COL22A1: variants seen among roughly 807,000 people sequenced by gnomAD.
The protein encoded by COL22A1 is collagen alpha-1(XXII) chain.
Under a neutral mutation model 248.9 loss-of-function variants are expected in COL22A1, and 221 were observed. The observed-to-expected ratio is 0.89, with a 90% confidence interval of 0.80 to 0.99. The LOEUF (loss-of-function observed/expected upper bound fraction) is 0.99. COL22A1 is among the 50% of genes least tolerant of loss of function. The pLI is 0.00. For missense variants in COL22A1, 2,240 were observed against 2,179.0 expected (o/e 1.03, Z -0.56); for synonymous variants, 891 against 793.4 (o/e 1.12, Z -2.07).
rs184049936 is a variant in COL22A1 at position 138,653,488 on chromosome 8, C to A, written c.3333+2409G>T. 2.1e-4 allele frequency among the ~76,000 whole-genome samples: 32 copies of A among 152,284 alleles called. No homozygotes were observed. The East Asian group carries it at 5.4e-3, about 26-fold the overall frequency. On this transcript the variant is annotated intron_variant, in intron 45 of 64. Transcript: ENST00000303045. ...AAGTGTCTTGCCCATCTATGCTTAA[C>A]CTGTTCATCTGTAAAATGCAGACAG...
intron 52 of COL22A1, among the ~76,000 whole-genome samples, chr8:138,623,268 G>A (rs398046990): frequency 4.1e-4 from 30 of 73,326 alleles, no homozygotes; most frequent in African/African-American, 1.4e-3. Context: ...ATTTATGTGT[G>A]TGTGTGTGTG....
At chr8:138,700,225 T>A (rs1487010905) in intron 31 of COL22A1, 81 bp from the exon 32 acceptor site, 1 of 1,355,564 alleles carries the variant, frequency 7.4e-7, no homozygotes, top group Non-Finnish European at 1.0e-6. Context: ...CTTGGAGAGA[T>A]TTACAAGTGA....
In COL22A1 at chr8:138,598,867, G is replaced by A. The variant is rs1817760566; in HGVS notation, c.4217C>T (p.Pro1406Leu). 2.5e-6 allele frequency: 4 copies of A among 1,614,034 alleles called. No individual in the cohort carries two copies. The highest frequency in any genetic ancestry group is 3.4e-6 in the Non-Finnish European group (4 of 1,180,030). Residue 1406 changes from proline (P) to leucine (L), a missense_variant, in exon 61 of 65, where the codon CCT becomes CTT. Pro to Leu is a moderately conservative substitution (Grantham distance 98, BLOSUM62 -3). Coordinates refer to ENST00000303045, the MANE Select transcript of COL22A1 (RefSeq NM_152888.3). ...CCCAGGCTGGCCTTTTCCACCAGGA[G>A]GTCCTTTGTCACCTTTGATCCCAGG... ...GDPGIKGDKG[P>L]PGGKGQPGDP... is the part of the protein sequence containing the mutation.
Position 138,902,719 on chromosome 8 carries a change from T to A in COL22A1, c.-73+10900A>T, listed in dbSNP as rs1158041924. On this transcript the variant is annotated intron_variant, in intron 1 of 64. Transcript: ENST00000303045. ...AGACTCCGTCTCAAAAAAAAAAAAA[T>A]TTATAAATATATATATATATACACA... is the stretch of plus-strand genomic sequence containing the variant. Among the ~76,000 whole-genome samples, 85 of 105,090 alleles carry A rather than the reference T, an allele frequency of 8.1e-4. 1 individual carries two copies. Among genetic ancestry groups the A allele is most frequent in the Admixed American group, 1.9e-3 (19 of 10,236 alleles). The allele number at this position is 105,090 out of a possible 152,430, so 68.9% of individuals were successfully genotyped here. A position where few individuals can be genotyped will look rare whatever the true frequency, so the allele number is the denominator to read the frequency against.
At chr8:138,773,367 C>T (rs573939311) in intron 16 of COL22A1, among the ~76,000 whole-genome samples, 6 of 152,318 alleles carry the variant, frequency 3.9e-5, no homozygotes, top group African/African-American at 4.8e-5. Flanking sequence ...TAGGAGTCTT[C>T]GGCCTCCATA....
chr8:138,681,087 T>C (rs766086417), intron 39 of COL22A1, among the ~76,000 whole-genome samples: 8 of 152,182 alleles, frequency 5.3e-5, no homozygotes, highest in Non-Finnish European at 1.0e-4. Flanking sequence ...GATAAACCCC[T>C]GCCTTCTTGC....
chr8:138,746,501 C>T (rs528300078), intron 22 of COL22A1, among the ~76,000 whole-genome samples: 1 of 152,316 alleles, frequency 6.6e-6, no homozygotes, highest in South Asian at 2.1e-4. Context: ...CTCCCTTTTT[C>T]TCCATAGATG....
chr8:138,685,405 T>C (rs902813438), intron 37 of COL22A1, 93 bp from the exon 38 acceptor site: 1 of 969,356 alleles, frequency 1.0e-6, no homozygotes, highest in Non-Finnish European at 1.6e-6. Flanking sequence ...GTAGGTTTCC[T>C]GGGGCTGCCT....
intron 30 of COL22A1, among the ~76,000 whole-genome samples, chr8:138,705,473 T>C (rs2131010853): frequency 6.6e-6 from 1 of 152,284 alleles, no homozygotes; most frequent in Admixed American, 6.5e-5. Context: ...TAGGGGCCAA[T>C]ATTCAACATT....
intron 22 of COL22A1, among the ~76,000 whole-genome samples, chr8:138,740,896 C>T (rs184534886): frequency 8.5e-5 from 13 of 152,272 alleles, no homozygotes; most frequent in Admixed American, 4.6e-4. Context: ...CAAAGGTGGC[C>T]TTCCTTCCTG....
At chr8:138,807,746 C>T in intron 10 of COL22A1, 22 bp downstream of exon 10, 1 of 1,612,538 alleles carries the variant, frequency 6.2e-7, no homozygotes, top group Non-Finnish European at 8.5e-7. Context: ...CTAAACTACA[C>T]CTCTGCCATG....
intron 63 of COL22A1, 65 bp from the exon 64 acceptor site, chr8:138,591,566 C>T (rs1198444292): frequency 2.3e-6 from 3 of 1,320,390 alleles, no homozygotes; most frequent in Admixed American, 2.6e-5. Flanking sequence ...CTGGGCGTCC[C>T]ACCTTGCGGG....
rs527599600 is a variant in COL22A1, at chr8:138,724,430, G to A, written c.2247+185C>T. ...CCCAGGGAGCCTTCCCACAGACAGG[G>A]CACTAGCACGAGTGAGCCACCACAG... On this transcript the variant is annotated intron_variant, in intron 25 of 64. Coordinates refer to ENST00000303045, the MANE Select transcript of COL22A1 (RefSeq NM_152888.3). Among the ~76,000 whole-genome samples, 119 of 152,128 alleles carry A rather than the reference G, an allele frequency of 7.8e-4. 2 individuals are homozygous for A. Among genetic ancestry groups the A allele is most frequent in the Non-Finnish European group, 1.4e-3 (94 of 68,032 alleles).
intron 12 of COL22A1, among the ~76,000 whole-genome samples, chr8:138,785,739 A>T (rs1404649616): frequency 6.6e-6 from 1 of 152,104 alleles, no homozygotes; most frequent in African/African-American, 2.4e-5. Context: ...TTTCAAATAG[A>T]TGCCCAGTAG....
At chr8:138,679,723 A>G (rs770415575) in intron 39 of COL22A1, 47 bp from the exon 40 acceptor site, 7 of 1,543,208 alleles carry the variant, frequency 4.5e-6, no homozygotes, top group Non-Finnish European at 6.3e-6. Flanking sequence ...ACAAATGTTT[A>G]CCAAGCACCT....
intron 18 of COL22A1, 62 bp from the exon 19 acceptor site, chr8:138,755,891 T>A (rs570593713): frequency 8.8e-5 from 127 of 1,435,336 alleles, no homozygotes; most frequent in Non-Finnish European, 5.9e-6. Flanking sequence ...GGCAGTCCCA[T>A]CCCTCTGAGG....
At chr8:138,625,254 G>A (rs192191679) in intron 51 of COL22A1, among the ~76,000 whole-genome samples, 1 of 152,252 alleles carries the variant, frequency 6.6e-6, no homozygotes. Flanking sequence ...ACGAAAGAAG[G>A]GAAGAGGCAT....
At chr8:138,844,778 G>A (rs537165549) in intron 3 of COL22A1, among the ~76,000 whole-genome samples, 2 of 151,864 alleles carry the variant, frequency 1.3e-5, no homozygotes, top group Non-Finnish European at 2.9e-5. Context: ...GTGAAACCCC[G>A]TCTCTACTAA....
At chr8:138,755,055 G>C (rs1454230583) in intron 21 of COL22A1, 102 bp downstream of exon 21, 10 of 1,199,514 alleles carry the variant, frequency 8.3e-6, no homozygotes, top group South Asian at 1.3e-5. Flanking sequence ...GAAGGCGCTT[G>C]AGATAATGCC....
Sources: allele counts gnomAD v4.1 joint callset (sites outside exome capture counted in the v4.1 genomes callset), GRCh38; gene constraint gnomAD v4.1.1; transcripts MANE v1.5; gene names NCBI Gene and HGNC (gene_info 2026-07-23, HGNC 2026-07-21).